PARP14: variants seen among roughly 807,000 people sequenced by gnomAD.
PARP14 encodes protein mono-ADP-ribosyltransferase PARP14.
In PARP14, 59 loss-of-function variants were observed where a neutral mutation model predicts 154.2. The observed-to-expected ratio is 0.38, with a 90% CI of 0.31 to 0.48. The LOEUF is 0.48. PARP14 is among the 20% of genes least tolerant of loss of function. PARP14 has a pLI of 0.98. For synonymous variants in PARP14, 720 were observed against 780.5 expected (o/e 0.92, Z 1.29); for missense variants, 1,734 against 2,131.6 (o/e 0.81, Z 3.67).
chr3:122,722,657 T>C (rs1296851786), intron 15 of PARP14: 4 of 151,902 alleles, frequency 2.6e-5, no homozygotes, highest in African/African-American at 9.7e-5. Flanking sequence ...GAAAATAACA[T>C]AAAAAATGGG....
chr3:122,699,570 A>T lies in PARP14; in HGVS notation c.1016A>T (p.His339Leu), dbSNP rs1311018142. ...TGGAAGTTCTTACAGAAAAAGAATC[A>T]CCTCATTGAGGAGATAAACGATGAA... is the stretch of plus-strand genomic sequence containing the variant. ...PLWKFLQKKN[H>L]LIEEINDEMR... Residue 339 changes from histidine to leucine, a missense_variant, in exon 6 of 17, where the codon CAC (histidine) becomes CTC (leucine). His to Leu is a moderately conservative substitution (Grantham distance 99, BLOSUM62 -3). Coordinates refer to ENST00000474629, the MANE Select transcript of PARP14 (RefSeq NM_017554.3). 1 of 1,613,650 alleles carries T rather than the reference A, an allele frequency of 6.2e-7. No individual in the cohort carries two copies. Among genetic ancestry groups the T allele is most frequent in the East Asian group, 2.2e-5 (1 of 44,892 alleles).
intron 14 of PARP14, 26 bp from the exon 15 acceptor site, chr3:122,720,229 G>T (rs1056072783): frequency 3.7e-6 from 6 of 1,607,788 alleles, no homozygotes; most frequent in Non-Finnish European, 5.1e-6. Flanking sequence ...GATGTATGAG[G>T]GCATCCTCAA....
In PARP14 at chr3:122,701,003, G is replaced by A. The variant is rs1451236564; in HGVS notation, c.2449G>A (p.Asp817Asn). ...QQGDLARLPV[D>N]VVVNASNEDL... The stretch of plus-strand genomic sequence containing the variant: ...GGGTGACTTGGCACGGCTTCCTGTC[G>A]ATGTGGTGGTGAATGCATCTAATGA... The change falls in exon 6 of 17, where the codon GAT becomes AAT. Residue 817 changes from aspartate to asparagine, a missense_variant. Asp to Asn is a conservative substitution (Grantham distance 23). Transcript: ENST00000474629. The surrounding 1 kb of genome is among the most constrained non-coding windows in gnomAD (Gnocchi z 4.0). 1.2e-6 allele frequency: 2 copies of A among 1,614,018 alleles called. No homozygotes were observed. Among genetic ancestry groups the A allele is most frequent in the South Asian group, 1.1e-5 (1 of 91,088 alleles).
chr3:122,716,444 A>G (rs1932999410), intron 12 of PARP14, among the ~76,000 whole-genome samples: 1 of 152,220 alleles, frequency 6.6e-6, no homozygotes, highest in African/African-American at 2.4e-5. Flanking sequence ...CTCTGGAGAT[A>G]GAAAGATAAC....
Position 122,701,423 on chromosome 3 carries a change from A to G in PARP14, c.2869A>G (p.Ile957Val). 1 of 1,614,048 alleles carries G rather than the reference A, an allele frequency of 6.2e-7. No individual in the cohort carries two copies. Among genetic ancestry groups the G allele is most frequent in the Non-Finnish European group, 8.5e-7 (1 of 1,179,890 alleles). ...FKKDGHCLKEIYLVDVSEKTV... is the reference protein window; with the variant it reads ...FKKDGHCLKEVYLVDVSEKTV... ...GAAGGATGGACACTGCTTGAAAGAAATCTACCTTGTGGATGTATCTGAGAA... is the reference window on the plus strand; with the variant it reads ...GAAGGATGGACACTGCTTGAAAGAAGTCTACCTTGTGGATGTATCTGAGAA... Residue 957 changes from isoleucine (I) to valine (V), a missense_variant, in exon 6 of 17, where the codon ATC (isoleucine) becomes GTC (valine). By Grantham distance (29) the Ile-to-Val change is conservative (BLOSUM62 3). Around this residue, in one of 2 missense-constraint regions of PARP14, gnomAD observed 1,646 missense variants for 1,976.0 expected, o/e 0.83. Transcript: ENST00000474629. This position sits in a 1 kb window ranked among gnomAD's most constrained non-coding sequence, Gnocchi z 4.0.
chr3:122,699,522 AAG>A lies in PARP14; in HGVS notation c.971_972del (p.Glu324ValfsTer18). The A allele has an allele frequency of 6.2e-7, 1 of 1,613,984 alleles. No individual in the cohort carries two copies. The highest frequency in any genetic ancestry group is 1.1e-5 in the South Asian group (1 of 91,088). ...CTGATCAAGCTTCCAGCACCATTTG[AAG>A]AGTCACTAGATCTTCCCTTATGGAA... On this transcript the variant is annotated frameshift_variant, in exon 6 of 17. Coordinates refer to ENST00000474629, the MANE Select transcript of PARP14 (RefSeq NM_017554.3). LOFTEE classifies it high-confidence loss of function.
Position 122,713,581 on chromosome 3 carries a change from T to C in PARP14, c.3769+8T>C, listed in dbSNP as rs751573241. ...CATTCAATCTCAAAGCAGGTACTTG[T>C]ACAATTTTGATGAGTGCAATAGTTA... is the stretch of plus-strand genomic sequence containing the variant. On this transcript the variant is annotated splice_region_variant and intron_variant, in intron 10 of 16. Transcript: ENST00000474629. 4.4e-5 allele frequency: 71 copies of C among 1,612,396 alleles called. 1 individual carries two copies. In the South Asian group the frequency reaches 6.5e-4, roughly 15 times the overall value.
At chr3:122,689,346 G>A (rs2107637721) in intron 3 of PARP14, among the ~76,000 whole-genome samples, 1 of 152,242 alleles carries the variant, frequency 6.6e-6, no homozygotes, top group South Asian at 2.1e-4. Flanking sequence ...TTTGGAGAGA[G>A]GGTTTCATTC....
In PARP14 at chr3:122,700,911, G is replaced by A; in HGVS notation, c.2357G>A (p.Ser786Asn). 1 of 1,614,014 alleles carries A rather than the reference G, an allele frequency of 6.2e-7. No homozygotes were observed. Among genetic ancestry groups the A allele is most frequent in the Non-Finnish European group, 8.5e-7 (1 of 1,179,862 alleles). ...AATGAAGTAATGAAGGAGGGAGGCA[G>A]CCCCGCTGGGCAGAAGTGCTTCTCT... ...QENEVMKEGG[S>N]PAGQKCFSRT... The change falls in exon 6 of 17, where the codon AGC (serine) becomes AAC (asparagine). Residue 786 changes from serine (S) to asparagine (N), a missense_variant. Transcript: ENST00000474629.
Position 122,700,735 on chromosome 3 carries a change from A to G in PARP14, c.2181A>G (p.Ala727=). Residue 727 remains alanine, a synonymous_variant, in exon 6 of 17, where the codon GCA becomes GCG. Coordinates refer to ENST00000474629, the MANE Select transcript of PARP14 (RefSeq NM_017554.3). ...GCTCAAAGACCGAAGTACTGAAGGC[A>G]GTGGACATTGTCAAGCAAGTCTGGG... is the stretch of plus-strand genomic sequence containing the variant. ...LTGSKTEVLK[A]VDIVKQVWDS... is the part of the protein sequence containing the mutation. The G allele has an allele frequency of 1.9e-6, 3 of 1,613,316 alleles. No individual in the cohort carries two copies. Among genetic ancestry groups the G allele is most frequent in the Non-Finnish European group, 2.5e-6 (3 of 1,179,610 alleles).
chr3:122,685,380 A>G (rs1938339807), intron 2 of PARP14, 62 bp downstream of exon 2: 9 of 1,453,786 alleles, frequency 6.2e-6, no homozygotes, highest in African/African-American at 2.8e-5. Context: ...TGAGATGGGA[A>G]TCACCATGAA....
At chr3:122,704,032 T>A in intron 7 of PARP14, 54 bp downstream of exon 7, 1 of 1,161,084 alleles carries the variant, frequency 8.6e-7, no homozygotes, top group Non-Finnish European at 1.3e-6. Context: ...TGGGTTCTCC[T>A]TTTAGTAGCA....
In PARP14 at chr3:122,699,584, A is replaced by T. The variant is rs1460994210; in HGVS notation, c.1030A>T (p.Ile344Leu). Residue 344 changes from isoleucine to leucine, a missense_variant, in exon 6 of 17, where the codon ATA becomes TTA. By Grantham distance (5) the Ile-to-Leu change is conservative. Coordinates refer to ENST00000474629, the MANE Select transcript of PARP14 (RefSeq NM_017554.3). ...LQKKNHLIEE[I>L]NDEMRRCHCE... ...GAAAAAGAATCACCTCATTGAGGAG[A>T]TAAACGATGAAATGAGGCGTTGTCA... The T allele has an allele frequency of 3.1e-6, 5 of 1,613,856 alleles. No individual in the cohort carries two copies. Among genetic ancestry groups the T allele is most frequent in the African/African-American group, 1.3e-5 (1 of 74,944 alleles).
In PARP14 at chr3:122,708,232, G is replaced by C. The variant is rs1033025049; in HGVS notation, c.3583G>C (p.Val1195Leu). Residue 1195 changes from valine to leucine, a missense_variant, in exon 9 of 17, where the codon GTC becomes CTC. Coordinates refer to ENST00000474629, the MANE Select transcript of PARP14 (RefSeq NM_017554.3). ...EFARRANGNL[V>L]SDKIPKAKDT... ...TGCCAGAAGGGCTAATGGAAATCTC[G>C]TCAGTGACAAAATTCCGAAGGCTAA... The C allele has an allele frequency of 6.3e-7, 1 of 1,575,730 alleles. No homozygotes were observed. Among genetic ancestry groups the C allele is most frequent in the Admixed American group, 1.8e-5 (1 of 54,840 alleles).
In PARP14 at chr3:122,716,358, C is replaced by G. The variant is rs542157407; in HGVS notation, c.4001-1713C>G. The stretch of plus-strand genomic sequence containing the variant: ...CCTTGACTCTACCCTCTTCGTCACT[C>G]CGATCTTCATTAGCTTAGGAATTAT... On this transcript the variant is annotated intron_variant, in intron 12 of 16. Coordinates refer to ENST00000474629, the MANE Select transcript of PARP14 (RefSeq NM_017554.3). Among the ~76,000 whole-genome samples, 361 of 152,306 alleles carry G rather than the reference C, an allele frequency of 2.4e-3. 2 individuals are homozygous for G. Among genetic ancestry groups the G allele is most frequent in the African/African-American group, 8.0e-3 (332 of 41,566 alleles).
At position 122,704,667 on chromosome 3, in the gene PARP14, C is replaced by G. The variant is rs374185746; in HGVS notation, c.3459C>G (p.Phe1153Leu). ...CTGAATTAATCATTTCAGAGGTGTT[C>G]AAATTTAGTAGCAAGAATCAGCTGA... Reference protein sequence around the residue: ...IFAELIISEVFKFSSKNQLKT... With the variant: ...IFAELIISEVLKFSSKNQLKT... The change falls in exon 8 of 17, where the codon TTC (phenylalanine) becomes TTG (leucine). Residue 1153 changes from phenylalanine to leucine, a missense_variant. Around this residue, in one of 2 missense-constraint regions of PARP14, gnomAD observed 1,646 missense variants for 1,976.0 expected, o/e 0.83. Transcript: ENST00000474629. 6.2e-7 allele frequency: 1 copy of G among 1,606,596 alleles called. No individual in the cohort carries two copies. Among genetic ancestry groups the G allele is most frequent in the African/African-American group, 1.3e-5 (1 of 74,750 alleles).
chr3:122,690,632 C>T (rs1938510568), intron 3 of PARP14, among the ~76,000 whole-genome samples: 1 of 152,212 alleles, frequency 6.6e-6, no homozygotes, highest in South Asian at 2.1e-4. Context: ...CAGCCTCAGC[C>T]TCCTGAGTAG....
chr3:122,698,453 C>T (rs1285355318), intron 5 of PARP14, among the ~76,000 whole-genome samples: 1 of 152,134 alleles, frequency 6.6e-6, no homozygotes, highest in Admixed American at 6.5e-5. Flanking sequence ...TCCAGCAGGG[C>T]CAGGAGGAGG....
At chr3:122,713,055 A>G (rs1181882362) in intron 9 of PARP14, among the ~76,000 whole-genome samples, 1 of 152,212 alleles carries the variant, frequency 6.6e-6, no homozygotes. Flanking sequence ...CACTTAGCAG[A>G]TTGCTTCTGC....
Sources: gnomAD v4.1 joint callset for allele counts (sites outside exome capture counted in the v4.1 genomes callset) on GRCh38, gnomAD v4.1.1 for gene constraint, gnomAD v4.1.1 regional missense constraint, Gnocchi (gnomAD v3.1) non-coding constraint, MANE v1.5 for transcripts, NCBI Gene and HGNC (gene_info 2026-07-23, HGNC 2026-07-21) for gene names.